DST: variants seen among roughly 807,000 people sequenced by gnomAD.
DST encodes bullous pemphigoid antigen.
A neutral mutation model predicts 875.2 loss-of-function variants in DST; 253 were observed. The ratio of observed to expected loss-of-function variants is 0.29; its 90% CI spans 0.26 to 0.32. The LOEUF (loss-of-function observed/expected upper bound fraction) is 0.32. DST is among the 10% of genes least tolerant of loss of function. The pLI is 1.00. For missense variants in DST, 8,287 were observed against 9,111.6 expected (o/e 0.91, Z 3.68); for synonymous variants, 3,124 against 3,197.1 (o/e 0.98, Z 0.77).
chr6:56,791,033 G>C (rs2099721406), intron 4 of DST, among the ~76,000 whole-genome samples: 1 of 152,184 alleles, frequency 6.6e-6, no homozygotes, highest in Non-Finnish European at 1.5e-5. Flanking sequence ...AGAAAGAGAG[G>C]CCAACAAAGA....
chr6:56,519,768 T>A (rs1158371980), intron 69 of DST, among the ~76,000 whole-genome samples: 1 of 152,164 alleles, frequency 6.6e-6, no homozygotes, highest in Non-Finnish European at 1.5e-5. Flanking sequence ...ACCCCCACCT[T>A]CTGCCAGAGT....
chr6:56,542,037 G>A (rs2152534474), intron 61 of DST, among the ~76,000 whole-genome samples: 1 of 152,274 alleles, frequency 6.6e-6, no homozygotes, highest in Non-Finnish European at 1.5e-5. Context: ...TTTCGGCAGA[G>A]CTCTGGTTAA....
chr6:56,537,583 T>A (rs1402176049), intron 61 of DST, among the ~76,000 whole-genome samples: 1 of 152,244 alleles, frequency 6.6e-6, no homozygotes, highest in Non-Finnish European at 1.5e-5. Flanking sequence ...GAGATGCCAA[T>A]GGACTCTCAA....
intron 32 of DST, 56 bp downstream of exon 32, chr6:56,629,194 T>A: frequency 6.4e-7 from 1 of 1,567,648 alleles, no homozygotes; most frequent in Non-Finnish European, 8.8e-7. Context: ...ATTTTACTCA[T>A]TTACCATAGA....
At chr6:56,497,292 C>T (rs1348583236) in intron 82 of DST, 87 bp downstream of exon 82, 1 of 1,469,656 alleles carries the variant, frequency 6.8e-7, no homozygotes, top group Non-Finnish European at 9.3e-7. Context: ...TTAAAGCCTT[C>T]TCCCACGATT....
intron 5 of DST, among the ~76,000 whole-genome samples, chr6:56,727,700 T>TGCTGA (rs2099470028): frequency 1.3e-5 from 2 of 152,184 alleles, no homozygotes; most frequent in Non-Finnish European, 2.9e-5. Context: ...AGATAGAGTA[T>TGCTGA]ATGAGGGAAT....
chr6:56,886,891 G>T (rs955411020), intron 3 of DST, among the ~76,000 whole-genome samples: 12 of 150,360 alleles, frequency 8.0e-5, no homozygotes, highest in African/African-American at 2.9e-4. Flanking sequence ...TGATTTTTTT[G>T]AAACACAATC....
At chr6:56,495,006 A>G (rs1340091461) in intron 82 of DST, among the ~76,000 whole-genome samples, 1 of 152,020 alleles carries the variant, frequency 6.6e-6, no homozygotes, top group Non-Finnish European at 1.5e-5. Context: ...ATACACTATT[A>G]TAAGTATACA....
chr6:56,922,850 C>T (rs953773511), intron 2 of DST, among the ~76,000 whole-genome samples: 1 of 152,118 alleles, frequency 6.6e-6, no homozygotes, highest in Non-Finnish European at 1.5e-5. Context: ...ATGCTGATTT[C>T]ACAGTTTAGC....
At chr6:56,542,669 G>A (rs944113914) in intron 61 of DST, 3 of 152,812 alleles carry the variant, frequency 2.0e-5, no homozygotes, top group African/African-American at 7.2e-5. Flanking sequence ...GAGAGAGACG[G>A]TGGCGGTGGA....
chr6:56,566,812 G>C (rs866413075), intron 55 of DST, among the ~76,000 whole-genome samples: 1 of 152,170 alleles, frequency 6.6e-6, no homozygotes, highest in Non-Finnish European at 1.5e-5. Flanking sequence ...CAGTTACATG[G>C]TGTTATCATG....
chr6:56,857,159 A>G (rs1468142303), intron 3 of DST, among the ~76,000 whole-genome samples: 1 of 152,016 alleles, frequency 6.6e-6, no homozygotes, highest in African/African-American at 2.4e-5. Flanking sequence ...CTACAGGCAC[A>G]TGCTACCACA....
intron 3 of DST, among the ~76,000 whole-genome samples, chr6:56,894,246 T>G (rs1319199431): frequency 3.5e-5 from 1 of 28,310 alleles, no homozygotes; most frequent in Non-Finnish European, 6.2e-5. Flanking sequence ...CCCACCGCCC[T>G]CCCGGACGGG....
intron 4 of DST, among the ~76,000 whole-genome samples, chr6:56,834,220 T>C (rs1029879213): frequency 2.0e-5 from 3 of 151,986 alleles, no homozygotes; most frequent in African/African-American, 4.8e-5. Context: ...AGTGAGACCA[T>C]GTCTCAAAAT....
chr6:56,564,234 T>C (rs758816862), intron 55 of DST, among the ~76,000 whole-genome samples: 7 of 152,234 alleles, frequency 4.6e-5, no homozygotes, highest in Admixed American at 6.5e-5. Context: ...TATTTGTTTG[T>C]ATCCTCTCTT....
At chr6:56,778,386 T>C (rs2099684026) in intron 4 of DST, among the ~76,000 whole-genome samples, 2 of 150,920 alleles carry the variant, frequency 1.3e-5, no homozygotes, top group Admixed American at 6.6e-5. Flanking sequence ...TGTTAGTTAT[T>C]TTTTTTTTAA....
At chr6:56,739,996 G>C (rs1399102634) in intron 4 of DST, among the ~76,000 whole-genome samples, 1 of 152,068 alleles carries the variant, frequency 6.6e-6, no homozygotes, top group South Asian at 2.1e-4. Flanking sequence ...TGAGTAGCTG[G>C]GATCACAGGC....
intron 3 of DST, among the ~76,000 whole-genome samples, chr6:56,874,041 A>C (rs1778559063): frequency 6.6e-6 from 1 of 152,146 alleles, no homozygotes; most frequent in African/African-American, 2.4e-5. Flanking sequence ...CTAGGAATAC[A>C]AGGCTGTAGT....
At chr6:56,877,853 G>A (rs899530857) in intron 3 of DST, among the ~76,000 whole-genome samples, 3 of 152,150 alleles carry the variant, frequency 2.0e-5, no homozygotes, top group African/African-American at 7.2e-5. Flanking sequence ...TACAGAAATT[G>A]GAAGTATTTA....
Sources: allele counts gnomAD v4.1 joint callset (sites outside exome capture counted in the v4.1 genomes callset), GRCh38; gene constraint gnomAD v4.1.1; transcripts MANE v1.5; gene names NCBI Gene and HGNC (gene_info 2026-07-23, HGNC 2026-07-21).